RIMBP2: variants seen among roughly 807,000 people sequenced by gnomAD.
The protein encoded by RIMBP2 is RIMS binding protein 2.
In RIMBP2, 48 loss-of-function variants were observed where a neutral mutation model predicts 118.6. That is an observed-to-expected ratio of 0.40 (90% CI 0.32 to 0.51). RIMBP2 has a LOEUF of 0.51. Among genes scored for constraint, RIMBP2 ranks in the 20% least tolerant of loss-of-function variants. RIMBP2 has a pLI of 0.41. For missense variants in RIMBP2, 1,551 were observed against 1,768.3 expected (o/e 0.88, Z 2.20); for synonymous variants, 762 against 742.9 (o/e 1.03, Z -0.42).
chr12:130,421,211 C>A (rs1002603679), intron 17 of RIMBP2, among the ~76,000 whole-genome samples: 1 of 152,336 alleles, frequency 6.6e-6, no homozygotes, highest in East Asian at 1.9e-4. Context: ...TTGAGAGACA[C>A]ACACTAGGTT....
At chr12:130,539,328 G>A (rs1426294765) in intron 2 of RIMBP2, among the ~76,000 whole-genome samples, 2 of 152,170 alleles carry the variant, frequency 1.3e-5, no homozygotes, top group Admixed American at 1.3e-4. Flanking sequence ...TCAGTGAATG[G>A]GATGTAGGAA....
At chr12:130,509,409 G>C (rs2050680456) in intron 3 of RIMBP2, among the ~76,000 whole-genome samples, 1 of 152,140 alleles carries the variant, frequency 6.6e-6, no homozygotes, top group Admixed American at 6.5e-5. Context: ...TGTGATTCTT[G>C]GGAATCCTCT....
At chr12:130,642,895 G>A (rs1003348460) in intron 1 of RIMBP2, among the ~76,000 whole-genome samples, 1 of 152,164 alleles carries the variant, frequency 6.6e-6, no homozygotes, top group Non-Finnish European at 1.5e-5. Context: ...CCACACTGCC[G>A]CTCACTGAGA....
chr12:130,663,250 T>C (rs1011450813), intron 1 of RIMBP2, among the ~76,000 whole-genome samples: 37 of 152,150 alleles, frequency 2.4e-4, no homozygotes, highest in Admixed American at 1.4e-3. Context: ...CAGAAGTTGC[T>C]GTCAACCATC....
At chr12:130,487,560 C>A (rs1482822818) in intron 4 of RIMBP2, among the ~76,000 whole-genome samples, 4 of 152,212 alleles carry the variant, frequency 2.6e-5, no homozygotes, top group African/African-American at 9.7e-5. Flanking sequence ...GTACAGCCTG[C>A]AGAACTGTGA....
intron 2 of RIMBP2, among the ~76,000 whole-genome samples, chr12:130,536,428 T>G (rs569934509): frequency 6.6e-6 from 1 of 152,182 alleles, no homozygotes; most frequent in Non-Finnish European, 1.5e-5. Context: ...ATTTTACAAA[T>G]CCCCCTCCGG....
At chr12:130,513,079 C>A (rs2051089193) in intron 3 of RIMBP2, among the ~76,000 whole-genome samples, 1 of 152,186 alleles carries the variant, frequency 6.6e-6, no homozygotes, top group Non-Finnish European at 1.5e-5. Flanking sequence ...ACTTCTACAA[C>A]CTTTTGGGTT....
intron 2 of RIMBP2, among the ~76,000 whole-genome samples, chr12:130,566,949 T>C (rs1443082099): frequency 6.6e-6 from 1 of 152,098 alleles, no homozygotes; most frequent in Non-Finnish European, 1.5e-5. Context: ...AGGGCAGCTG[T>C]GCCTACAGCT....
In RIMBP2 at chr12:130,525,237, G is replaced by C. The variant is rs1444157840; in HGVS notation, c.-216-7320C>G. Reference sequence around the variant, plus strand: ...GGCTTTTCTAGGAGCTGAGTGACCAGAGCCTTGAGAGTGGGGACCGGCAGG... The same window carrying C: ...GGCTTTTCTAGGAGCTGAGTGACCACAGCCTTGAGAGTGGGGACCGGCAGG... On this transcript the variant is annotated intron_variant, in intron 2 of 22. Transcript: ENST00000690449. This position sits in a 1 kb window ranked among gnomAD's most constrained non-coding sequence, Gnocchi z 4.4. 6.6e-6 allele frequency among the ~76,000 whole-genome samples: 1 copy of C among 152,216 alleles called. No individual in the cohort carries two copies. Among genetic ancestry groups the C allele is most frequent in the Admixed American group, 6.5e-5 (1 of 15,292 alleles).
intron 1 of RIMBP2, among the ~76,000 whole-genome samples, chr12:130,633,186 A>G (rs941920779): frequency 4.6e-5 from 7 of 152,212 alleles, no homozygotes; most frequent in African/African-American, 1.2e-4. Flanking sequence ...AAATGCTACA[A>G]TTATATCTAT....
chr12:130,590,629 T>A (rs2059197232), intron 2 of RIMBP2, among the ~76,000 whole-genome samples: 1 of 152,192 alleles, frequency 6.6e-6, no homozygotes, highest in Non-Finnish European at 1.5e-5. Context: ...ACATCTGCAC[T>A]AGGTGGCAGG....
rs1454717292 is a variant in RIMBP2, at chr12:130,424,444, G to A, written c.2827C>T (p.Pro943Ser). The change falls in exon 16 of 23, where the codon CCA becomes TCA. Residue 943 changes from proline (P) to serine (S), a missense_variant. By Grantham distance (74) the Pro-to-Ser change is moderately conservative. Around this residue, in one of 5 missense-constraint regions of RIMBP2, gnomAD observed 1,038 missense variants for 1,125.1 expected, o/e 0.92. Coordinates refer to ENST00000690449, the MANE Select transcript of RIMBP2 (RefSeq NM_001393629.1). This position sits in a 1 kb window ranked among gnomAD's most constrained non-coding sequence, Gnocchi z 9.8. ...CTGCAGGGACAGTGACCAGGGCCTG[G>A]GCTGCACGCGGCCACGGTGTTTCCG... is the stretch of plus-strand genomic sequence containing the variant. ...GFGNTVAACS[P>S]GPGHCPCRRG... 3.2e-6 allele frequency: 4 copies of A among 1,232,274 alleles called. No individual in the cohort carries two copies. Among genetic ancestry groups the A allele is most frequent in the Non-Finnish European group, 4.0e-6 (4 of 987,966 alleles). 76.3% of individuals were successfully genotyped at this position (1,232,274 alleles called of 1,614,324 possible).
In RIMBP2 at chr12:130,648,645, CTAAAATTAGTAT is replaced by C. The variant is rs917088332; in HGVS notation, c.-351-20201_-351-20190del. ...TAATCATAATCAAGTTAAAAACTAT[CTAAAATTAGTAT>C]CTTTTTTTTTTTTTTTGAGACGGAG... On this transcript the variant is annotated intron_variant, in intron 1 of 22. Transcript: ENST00000690449. 3.5e-5 allele frequency among the ~76,000 whole-genome samples: 5 copies of C among 143,262 alleles called. 1 individual carries two copies. Among genetic ancestry groups the C allele is most frequent in the African/African-American group, 1.3e-4 (5 of 39,882 alleles). The allele number at this position is 143,262 out of a possible 152,430, so 94.0% of individuals were successfully genotyped here.
rs71088771 is a variant in RIMBP2, at chr12:130,618,024, T to TTTACCA, written c.-217+10297_-217+10298insTGGTAA. On this transcript the variant is annotated intron_variant, in intron 2 of 22. Coordinates refer to ENST00000690449, the MANE Select transcript of RIMBP2 (RefSeq NM_001393629.1). The stretch of plus-strand genomic sequence containing the variant: ...CTGGGCAACATAGAAAGACCTCTTC[T>TTTACCA]AAAAAAAAAAAGTAAAAAAGGGGAA... 4.3e-4 allele frequency among the ~76,000 whole-genome samples: 28 copies of TTTACCA among 65,824 alleles called. 9 individuals are homozygous for TTTACCA. The highest frequency in any genetic ancestry group is 7.0e-4 in the Admixed American group (4 of 5,742). 43.2% of individuals were successfully genotyped at this position (65,824 alleles called of 152,430 possible).
chr12:130,554,288 T>C (rs905794714), intron 2 of RIMBP2, among the ~76,000 whole-genome samples: 1 of 152,210 alleles, frequency 6.6e-6, no homozygotes. Context: ...TTCTGGGGCC[T>C]AAATGACATA....
intron 5 of RIMBP2, 69 bp downstream of exon 5, chr12:130,478,843 C>A: frequency 8.4e-7 from 1 of 1,195,828 alleles, no homozygotes; most frequent in Non-Finnish European, 1.2e-6. Context: ...CGCTCCACCA[C>A]ACCAGGGATC....
Position 130,409,509 on chromosome 12 carries a change from A to T in RIMBP2, c.3590-1680T>A, listed in dbSNP as rs540583895. On this transcript the variant is annotated intron_variant, in intron 19 of 22. Transcript: ENST00000690449. ...AGGCGCCCGCCACCACGCCCGGCTAATTTTTTTGTATTTTTTTGTATAGAC... is the reference window on the plus strand; with the variant it reads ...AGGCGCCCGCCACCACGCCCGGCTATTTTTTTTGTATTTTTTTGTATAGAC... Among the ~76,000 whole-genome samples the T allele has an allele frequency of 5.3e-5, 8 of 151,576 alleles. No homozygotes were observed. The East Asian group carries it at 1.6e-3, about 30-fold the overall frequency.
At chr12:130,665,963 T>C (rs574252269) in intron 1 of RIMBP2, among the ~76,000 whole-genome samples, 1 of 152,262 alleles carries the variant, frequency 6.6e-6, no homozygotes, top group Non-Finnish European at 1.5e-5. Flanking sequence ...TCAAACACCA[T>C]TTGCCTCATC....
intron 1 of RIMBP2, among the ~76,000 whole-genome samples, chr12:130,673,160 A>T (rs1038220929): frequency 6.6e-6 from 1 of 152,238 alleles, no homozygotes; most frequent in Non-Finnish European, 1.5e-5. Flanking sequence ...GAACATCCAC[A>T]CATCGCTCCC....
Sources: allele counts gnomAD v4.1 joint callset (sites outside exome capture counted in the v4.1 genomes callset), GRCh38; gene constraint gnomAD v4.1.1; regional missense constraint gnomAD v4.1.1; non-coding constraint Gnocchi (gnomAD v3.1); transcripts MANE v1.5; gene names NCBI Gene and HGNC (gene_info 2026-07-23, HGNC 2026-07-21).